The following OSBPL9 variants were observed in gnomAD, a reference collection of about 807,000 sequenced individuals.
OSBPL9 encodes the protein oxysterol-binding protein-related protein 9.
Under a neutral mutation model 106.6 loss-of-function variants are expected in OSBPL9, and 40 were observed. That is an observed-to-expected ratio of 0.38 (90% confidence interval 0.29 to 0.49). The LOEUF (loss-of-function observed/expected upper bound fraction) is 0.49. Ranked by LOEUF, OSBPL9 falls within the 20% of genes least tolerant of loss-of-function variation. The pLI is 0.97. For missense variants in OSBPL9, 609 were observed against 887.2 expected (o/e 0.69, Z 3.98); for synonymous variants, 269 against 295.4 (o/e 0.91, Z 0.92).
intron 1 of OSBPL9, 137 bp downstream of exon 1, chr1:51,617,358 G>T: frequency 1.1e-6 from 1 of 880,832 alleles, no homozygotes. Context: ...TCCCTTGTTG[G>T]GGAGGGTTTT....
chr1:51,673,519 TTGCTGGATCAGTGTCC>T (rs1382790122), intron 3 of OSBPL9, among the ~76,000 whole-genome samples: 1 of 151,582 alleles, frequency 6.6e-6, no homozygotes, highest in African/African-American at 2.4e-5. Flanking sequence ...AAGGAGAGAG[TTGCTGGATCAGTGTCC>T]TGGAGAAAGC....
intron 4 of OSBPL9, among the ~76,000 whole-genome samples, chr1:51,740,444 TAGG>T (rs1666658102): frequency 6.6e-6 from 1 of 152,098 alleles, no homozygotes; most frequent in African/African-American, 2.4e-5. Flanking sequence ...TATTTTTCAT[TAGG>T]AGGCTTGTTG....
the OSBPL9 span, among the ~76,000 whole-genome samples, chr1:51,553,551 A>T: frequency 6.6e-6 from 1 of 152,026 alleles, no homozygotes; most frequent in South Asian, 2.1e-4. Context: ...AACAAAAAAA[A>T]AGAAAATGAG....
At chr1:51,734,050 C>G (rs967265720) in intron 4 of OSBPL9, among the ~76,000 whole-genome samples, 10 of 152,016 alleles carry the variant, frequency 6.6e-5, no homozygotes, top group Admixed American at 4.6e-4. Flanking sequence ...TAAAGACATC[C>G]TTTGAAGATG....
intron 4 of OSBPL9, among the ~76,000 whole-genome samples, chr1:51,743,508 T>C (rs1667361679): frequency 6.6e-6 from 1 of 152,200 alleles, no homozygotes. Flanking sequence ...TTTAGTTAGA[T>C]TTTTACAATG....
At chr1:51,524,262 G>A in the OSBPL9 span, among the ~76,000 whole-genome samples, 1 of 152,226 alleles carries the variant, frequency 6.6e-6, no homozygotes, top group African/African-American at 2.4e-5. Context: ...CACGCAGGGT[G>A]TGATAGAACA....
At chr1:51,753,747 A>G (rs1183630610) in intron 8 of OSBPL9, among the ~76,000 whole-genome samples, 1 of 152,152 alleles carries the variant, frequency 6.6e-6, no homozygotes, top group Non-Finnish European at 1.5e-5. Flanking sequence ...TGATTCTTTG[A>G]TTTGAATTCC....
chr1:51,745,451 T>C, intron 4 of OSBPL9, 85 bp from the exon 5 acceptor site: 1 of 1,531,050 alleles, frequency 6.5e-7, no homozygotes, highest in East Asian at 2.4e-5. Context: ...TTGAAATGTC[T>C]TCATGTATGA....
chr1:51,520,104 C>T, the OSBPL9 span, among the ~76,000 whole-genome samples: 1 of 152,194 alleles, frequency 6.6e-6, no homozygotes, highest in Non-Finnish European at 1.5e-5. Flanking sequence ...TCCTTTATAA[C>T]CTTTCTTCTC....
At chr1:51,617,301 G>T in intron 1 of OSBPL9, 80 bp downstream of exon 1, 1 of 1,424,068 alleles carries the variant, frequency 7.0e-7, no homozygotes. Context: ...GGTTTTAGGT[G>T]GCTGAGTTGA....
the OSBPL9 span, among the ~76,000 whole-genome samples, chr1:51,549,234 T>A: frequency 6.6e-6 from 1 of 152,164 alleles, no homozygotes; most frequent in African/African-American, 2.4e-5. Flanking sequence ...GGTCCACACA[T>A]CCCCTTCTCC....
intron 4 of OSBPL9, 25 bp downstream of exon 4, chr1:51,714,104 G>C (rs1318272822): frequency 2.6e-6 from 4 of 1,538,262 alleles, no homozygotes; most frequent in Non-Finnish European, 3.5e-6. Flanking sequence ...ATGGTTTCCA[G>C]ATAGTTCATT....
intron 9 of OSBPL9, 80 bp downstream of exon 9, chr1:51,756,438 A>G: frequency 1.5e-6 from 2 of 1,367,338 alleles, no homozygotes; most frequent in African/African-American, 2.9e-5. Context: ...AGCCTGAATT[A>G]CTACTCATTT....
chr1:51,735,570 G>C (rs1048077315), intron 4 of OSBPL9, among the ~76,000 whole-genome samples: 3 of 152,156 alleles, frequency 2.0e-5, no homozygotes, highest in Non-Finnish European at 2.9e-5. Flanking sequence ...ATTTTACCAT[G>C]CTTGAATCAA....
At chr1:51,539,939 A>G in the OSBPL9 span, among the ~76,000 whole-genome samples, 1 of 152,046 alleles carries the variant, frequency 6.6e-6, no homozygotes, top group Non-Finnish European at 1.5e-5. Flanking sequence ...AACTCATCTC[A>G]TGCTTCCTTT....
chr1:51,520,678 C>G, the OSBPL9 span, among the ~76,000 whole-genome samples: 1 of 152,188 alleles, frequency 6.6e-6, no homozygotes, highest in South Asian at 2.1e-4. Context: ...TAGCAGTCCC[C>G]GTGGTAGGAG....
At chr1:51,596,826 T>C (rs1645302588) in intron 1 of OSBPL9, among the ~76,000 whole-genome samples, 2 of 152,124 alleles carry the variant, frequency 1.3e-5, no homozygotes, top group South Asian at 4.2e-4. Context: ...GGTCCTCCTA[T>C]ATGCCAGGCA....
the OSBPL9 span, among the ~76,000 whole-genome samples, chr1:51,558,986 C>A: frequency 6.6e-6 from 1 of 152,142 alleles, no homozygotes; most frequent in Non-Finnish European, 1.5e-5. Context: ...AAACAAACAA[C>A]AACAACTAAA....
intron 3 of OSBPL9, among the ~76,000 whole-genome samples, chr1:51,703,989 C>G (rs1657879967): frequency 6.6e-6 from 1 of 152,236 alleles, no homozygotes; most frequent in Non-Finnish European, 1.5e-5. Context: ...ATGAAGCCCA[C>G]TTGATCATGG....
Sources: allele counts gnomAD v4.1 joint callset (sites outside exome capture counted in the v4.1 genomes callset), GRCh38; gene constraint gnomAD v4.1.1; transcripts MANE v1.5; gene names NCBI Gene and HGNC (gene_info 2026-07-23, HGNC 2026-07-21).